LY6S: variants seen among roughly 807,000 people sequenced by gnomAD.
LY6S encodes lymphocyte antigen 6 family member S, also known as lymphocyte antigen 6S.
chr8:143,060,898 A>G, the LY6S span, among the ~76,000 whole-genome samples: 1 of 152,224 alleles, frequency 6.6e-6, no homozygotes, highest in Non-Finnish European at 1.5e-5. Flanking sequence ...GAATCACGTA[A>G]AATATATCTA....
the LY6S span, among the ~76,000 whole-genome samples, chr8:143,070,446 G>GTA: frequency 6.2e-4 from 43 of 69,504 alleles, no homozygotes; most frequent in African/African-American, 3.1e-3. Flanking sequence ...TATATATATT[G>GTA]TATATATATA....
the LY6S span, among the ~76,000 whole-genome samples, chr8:143,074,297 C>A: frequency 1.3e-5 from 2 of 151,784 alleles, no homozygotes; most frequent in Admixed American, 1.3e-4. Context: ...ATATGGCCCT[C>A]TTCTCTCTGT....
chr8:143,072,097 A>G, the LY6S span, among the ~76,000 whole-genome samples: 1 of 151,204 alleles, frequency 6.6e-6, no homozygotes, highest in Non-Finnish European at 1.5e-5. Context: ...TTTTGCCCTC[A>G]TTTGTGAGGG....
the LY6S span, among the ~76,000 whole-genome samples, chr8:143,064,964 C>G: frequency 6.6e-6 from 1 of 152,176 alleles, no homozygotes; most frequent in Admixed American, 6.5e-5. Context: ...TGGTGTGCAG[C>G]AAATAGTGGT....
chr8:143,048,367 T>C, the LY6S span, among the ~76,000 whole-genome samples: 182 of 152,366 alleles, frequency 1.2e-3, 2 homozygotes, highest in Middle Eastern at 0.037. Context: ...TCTGGCCTCG[T>C]TTCAGACACA....
the LY6S span, among the ~76,000 whole-genome samples, chr8:143,046,908 G>A: frequency 6.6e-6 from 1 of 152,068 alleles, no homozygotes; most frequent in East Asian, 1.9e-4. Flanking sequence ...GGCTGAGGCA[G>A]GAGAATCACT....
At chr8:143,046,641 AC>A in the LY6S span, among the ~76,000 whole-genome samples, 8 of 151,772 alleles carry the variant, frequency 5.3e-5, no homozygotes, top group Admixed American at 2.0e-4. Context: ...TTCTAATCTC[AC>A]AAGCTAACTT....
the LY6S span, among the ~76,000 whole-genome samples, chr8:143,046,313 C>T: frequency 6.6e-6 from 1 of 151,994 alleles, no homozygotes; most frequent in South Asian, 2.1e-4. Context: ...CACGGTGGCT[C>T]ACGCCTGTGA....
chr8:143,047,248 T>TC, the LY6S span, among the ~76,000 whole-genome samples: 32 of 151,458 alleles, frequency 2.1e-4, no homozygotes, highest in Non-Finnish European at 2.2e-4. Flanking sequence ...CAAGTGATTC[T>TC]CCTGCCTCAG....
At chr8:143,074,760 G>A in the LY6S span, among the ~76,000 whole-genome samples, 5 of 152,118 alleles carry the variant, frequency 3.3e-5, no homozygotes, top group Admixed American at 1.3e-4. Flanking sequence ...ACACTCTCCT[G>A]TAATTCTTAT....
chr8:143,058,301 G>A, the LY6S span, among the ~76,000 whole-genome samples: 2 of 152,138 alleles, frequency 1.3e-5, no homozygotes, highest in South Asian at 4.1e-4. Context: ...ATGTCTGGCT[G>A]CACTGATATT....
At chr8:143,052,298 A>T in the LY6S span, among the ~76,000 whole-genome samples, 4 of 152,214 alleles carry the variant, frequency 2.6e-5, no homozygotes, top group Non-Finnish European at 5.9e-5. Flanking sequence ...AAAAATTTAC[A>T]TAATTATCTC....
At chr8:143,062,808 AATGATG>A in the LY6S span, among the ~76,000 whole-genome samples, 14 of 151,902 alleles carry the variant, frequency 9.2e-5, no homozygotes, top group African/African-American at 2.4e-4. Flanking sequence ...GGGTATCAGG[AATGATG>A]ATGATGATGA....
the LY6S span, chr8:143,042,644 G>C: frequency 1.3e-5 from 3 of 233,210 alleles, no homozygotes; most frequent in Non-Finnish European, 2.6e-5. Context: ...TTGACCTTGA[G>C]AGGGAGGCCC....
the LY6S span, chr8:143,056,963 G>A: frequency 4.7e-6 from 1 of 213,998 alleles, no homozygotes; most frequent in Non-Finnish European, 1.0e-5. Flanking sequence ...AGTTTTCAAA[G>A]AATTCATACA....
the LY6S span, chr8:143,053,656 A>G: frequency 2.6e-5 from 4 of 152,146 alleles, no homozygotes; most frequent in African/African-American, 9.7e-5. Context: ...AAACGTCCCA[A>G]AAGGAGAAAT....
At chr8:143,046,729 G>A in the LY6S span, among the ~76,000 whole-genome samples, 1 of 152,188 alleles carries the variant, frequency 6.6e-6, no homozygotes, top group Non-Finnish European at 1.5e-5. Context: ...GATGGGCCAG[G>A]CATGGTGGCT....
the LY6S span, among the ~76,000 whole-genome samples, chr8:143,068,845 A>T: frequency 6.6e-6 from 1 of 152,094 alleles, no homozygotes; most frequent in Admixed American, 6.5e-5. Flanking sequence ...GCTCTTCTGC[A>T]GTGCCACTCC....
the LY6S span, among the ~76,000 whole-genome samples, chr8:143,059,240 C>A: frequency 6.6e-6 from 1 of 152,112 alleles, no homozygotes; most frequent in African/African-American, 2.4e-5. Flanking sequence ...AGGTCAAATT[C>A]ATGTATATTT....
Sources: allele counts gnomAD v4.1 joint callset (sites outside exome capture counted in the v4.1 genomes callset), GRCh38; gene constraint gnomAD v4.1.1; transcripts MANE v1.5; gene names NCBI Gene and HGNC (gene_info 2026-07-23, HGNC 2026-07-21).